CAPN6: variants seen among roughly 807,000 people sequenced by gnomAD.
The protein encoded by CAPN6 is calpain-6.
CAPN6 carries 16 observed loss-of-function variants against 46.0 expected under a neutral mutation model. The ratio of observed to expected loss-of-function variants is 0.35; its 90% CI spans 0.24 to 0.53. The LOEUF is 0.53. Ranked by LOEUF, CAPN6 falls within the 20% of genes least tolerant of loss-of-function variation. The probability of loss-of-function intolerance (pLI) is 0.94; values close to 1 mark genes in which losing one functional copy is unlikely to be tolerated. For missense variants in CAPN6, 461 were observed against 498.0 expected (o/e 0.93, Z 0.71); for synonymous variants, 206 against 172.8 (o/e 1.19, Z -1.51).
chrX:111,259,751 G>A (rs1314969503), intron 2 of CAPN6, among the ~76,000 whole-genome samples: 1 of 111,996 alleles, frequency 8.9e-6, no homozygotes, highest in Non-Finnish European at 1.9e-5. Context: ...AAATTCCCAT[G>A]AGGCTTTACT....
At chrX:111,247,269 T>A in intron 12 of CAPN6, 99 bp downstream of exon 12, 1 of 779,191 alleles carries the variant, frequency 1.3e-6, no homozygotes, top group Admixed American at 3.3e-5. Context: ...AATACGATAA[T>A]TCTTGCTCTG....
chrX:111,264,211 C>T (rs1000272602), intron 1 of CAPN6, among the ~76,000 whole-genome samples: 1 of 111,662 alleles, frequency 9.0e-6, no homozygotes, highest in Non-Finnish European at 1.9e-5. Context: ...CAATATGGGC[C>T]TTAATCTTAT....
rs767223402 is a variant in CAPN6 at position 111,255,592 on chromosome X, C to G, written c.166-1189G>C. Among the ~76,000 whole-genome samples, 3 of 112,813 alleles carry G rather than the reference C, an allele frequency of 2.7e-5. No individual in the cohort carries two copies. The South Asian group carries it at 1.1e-3, about 41-fold the overall frequency. On this transcript the variant is annotated intron_variant, in intron 2 of 12. Transcript: ENST00000324068. The stretch of plus-strand genomic sequence containing the variant: ...TCTCAAATGGAATCTAGACATATAT[C>G]CTTTTAAAAAGTATTAGAGACAGCT...
At chrX:111,264,242 A>C (rs2094990180) in intron 1 of CAPN6, among the ~76,000 whole-genome samples, 1 of 112,006 alleles carries the variant, frequency 8.9e-6, no homozygotes, top group South Asian at 3.8e-4. Flanking sequence ...TCAATAATAA[A>C]AGTAAAGATT....
At chrX:111,247,741 G>T in intron 11 of CAPN6, 130 bp downstream of exon 11, 1 of 789,769 alleles carries the variant, frequency 1.3e-6, no homozygotes. Context: ...CCTCTGCCAT[G>T]GTTGCCATCC....
chrX:111,257,136 G>C (rs750551348), intron 2 of CAPN6, among the ~76,000 whole-genome samples: 1 of 111,526 alleles, frequency 9.0e-6, no homozygotes, highest in African/African-American at 3.3e-5. Flanking sequence ...CATATGGCTA[G>C]AGAAAGAAGC....
intron 1 of CAPN6, among the ~76,000 whole-genome samples, chrX:111,269,271 G>C (rs1204331092): frequency 9.0e-6 from 1 of 111,487 alleles, no homozygotes; most frequent in Non-Finnish European, 1.9e-5. Flanking sequence ...CACACACCCA[G>C]GCACACACGT....
intron 6 of CAPN6, 117 bp from the exon 7 acceptor site, chrX:111,251,403 A>G: frequency 3.2e-6 from 3 of 930,575 alleles, no homozygotes; most frequent in Non-Finnish European, 4.5e-6. Context: ...GCTTTATTTC[A>G]TCTGCGGCTG....
chrX:111,266,440 C>T, intron 1 of CAPN6, among the ~76,000 whole-genome samples: 1 of 110,860 alleles, frequency 9.0e-6, no homozygotes, highest in Non-Finnish European at 1.9e-5. Context: ...AGAAAGTGAT[C>T]CATAAATGCA....
At chrX:111,259,528 C>G (rs2094986313) in intron 2 of CAPN6, among the ~76,000 whole-genome samples, 2 of 112,185 alleles carry the variant, frequency 1.8e-5, no homozygotes, top group African/African-American at 6.5e-5. Flanking sequence ...CCTTATCTGC[C>G]TTTCCCTTCC....
At chrX:111,263,744 A>C in intron 2 of CAPN6, 28 bp downstream of exon 2, 1 of 1,171,778 alleles carries the variant, frequency 8.5e-7, no homozygotes, top group Admixed American at 2.3e-5. Flanking sequence ...GAGGTCAAGG[A>C]GACAGAATGT....
At chrX:111,250,866 A>G (rs1208286236) in intron 8 of CAPN6, 51 bp downstream of exon 8, 1 of 1,084,394 alleles carries the variant, frequency 9.2e-7, no homozygotes, top group Non-Finnish European at 1.3e-6. Context: ...GCAAGATCTG[A>G]GTTCCTATTG....
At chrX:111,261,192 G>A (rs1021344664) in intron 2 of CAPN6, among the ~76,000 whole-genome samples, 1 of 112,685 alleles carries the variant, frequency 8.9e-6, no homozygotes, top group African/African-American at 3.2e-5. Flanking sequence ...ATGACAGCAT[G>A]ATAGAGTGAA....
At chrX:111,268,112 AT>A (rs2094993315) in intron 1 of CAPN6, among the ~76,000 whole-genome samples, 1 of 111,826 alleles carries the variant, frequency 8.9e-6, no homozygotes, top group Admixed American at 9.4e-5. Flanking sequence ...CTAACCAGAT[AT>A]TCTGGGTCTA....
chrX:111,256,136 C>T (rs945046175), intron 2 of CAPN6, among the ~76,000 whole-genome samples: 2 of 111,827 alleles, frequency 1.8e-5, no homozygotes, highest in African/African-American at 6.5e-5. Context: ...TGGTGGCTCT[C>T]GCCTGTAATC....
In CAPN6 at chrX:111,248,554, C is replaced by T. The variant is rs757446645; in HGVS notation, c.1484+15G>A. 1.0e-4 allele frequency: 122 copies of T among 1,187,917 alleles called. 1 individual carries two copies. Among genetic ancestry groups the T allele is most frequent in the Middle Eastern group, 3.3e-4 (1 of 3,075 alleles). ...CAAAGAACAGGGGTTTGAGGGCTTG[C>T]GAAGGAAACTGAACCTGAGCTGGAC... On this transcript the variant is annotated intron_variant, in intron 10 of 12. Transcript: ENST00000324068.
intron 1 of CAPN6, among the ~76,000 whole-genome samples, chrX:111,264,707 T>TA (rs68122134): frequency 0.19 from 19,070 of 99,817 alleles, 3,505 homozygotes; most frequent in African/African-American, 0.56. Context: ...TTCTTTTCTT[T>TA]AAAAAAAAAA....
At chrX:111,259,146 A>G (rs2094985994) in intron 2 of CAPN6, among the ~76,000 whole-genome samples, 3 of 112,602 alleles carry the variant, frequency 2.7e-5, no homozygotes, top group Non-Finnish European at 5.6e-5. Flanking sequence ...AAATTTACTA[A>G]AAATCATTGC....
chrX:111,251,703 C>T lies in CAPN6; in HGVS notation c.739G>A (p.Gly247Ser). The T allele has an allele frequency of 2.5e-6, 3 of 1,209,766 alleles. No individual in the cohort carries two copies. The highest frequency in any genetic ancestry group is 1.8e-5 in the South Asian group (1 of 56,690). The change falls in exon 6 of 13, where the codon GGT becomes AGT. Residue 247 changes from glycine to serine, a missense_variant. By Grantham distance (56) the Gly-to-Ser change is moderately conservative. Coordinates refer to ENST00000324068, the MANE Select transcript of CAPN6 (RefSeq NM_014289.4). ...QEEQEVETDWGLLKGHTYTMT... is the reference protein window; with the variant it reads ...QEEQEVETDWSLLKGHTYTMT... Reference sequence around the variant, plus strand: ...GTATAGGTATGGCCCTTCAGCAGACCCCAATCAGTTTCAACTTCTTGCTCC... The same window carrying T: ...GTATAGGTATGGCCCTTCAGCAGACTCCAATCAGTTTCAACTTCTTGCTCC...
Sources: gnomAD v4.1 joint callset for allele counts (sites outside exome capture counted in the v4.1 genomes callset) on GRCh38, gnomAD v4.1.1 for gene constraint, MANE v1.5 for transcripts, NCBI Gene and HGNC (gene_info 2026-07-23, HGNC 2026-07-21) for gene names.